ARHGAP15: variants seen among roughly 807,000 people sequenced by gnomAD.
ARHGAP15 encodes the protein rho GTPase-activating protein 15.
A neutral mutation model predicts 63.7 loss-of-function variants in ARHGAP15; 51 were observed. That is an observed-to-expected ratio of 0.80 (90% CI 0.64 to 1.01). The LOEUF is 1.01. Among genes scored for constraint, ARHGAP15 ranks in the 50% least tolerant of loss-of-function variants. ARHGAP15 has a pLI of 0.00. For missense variants in ARHGAP15, 560 were observed against 564.6 expected, an observed-to-expected ratio of 0.99 and a Z score of 0.08; for synonymous variants, 191 against 193.8, an observed-to-expected ratio of 0.99 and a Z score of 0.12.
At chr2:143,317,566 TATCTAGAG>T (rs1188457658) in intron 6 of ARHGAP15, among the ~76,000 whole-genome samples, 1 of 152,196 alleles carries the variant, frequency 6.6e-6, no homozygotes, top group African/African-American at 2.4e-5. Context: ...AGGGCTGAAA[TATCTAGAG>T]TATTATGCGT....
chr2:143,346,244 A>ACTCTCTCT (rs754388159), intron 6 of ARHGAP15, among the ~76,000 whole-genome samples: 15 of 144,032 alleles, frequency 1.0e-4, no homozygotes, highest in East Asian at 8.0e-4. Flanking sequence ...TCTCACACAC[A>ACTCTCTCT]CACACTCACA....
At chr2:143,549,367 G>A (rs1695463706) in intron 10 of ARHGAP15, among the ~76,000 whole-genome samples, 1 of 152,152 alleles carries the variant, frequency 6.6e-6, no homozygotes, top group African/African-American at 2.4e-5. Flanking sequence ...ATCAGCAGAT[G>A]AGAAATAGAA....
intron 6 of ARHGAP15, among the ~76,000 whole-genome samples, chr2:143,330,083 A>C (rs540351331): frequency 8.4e-6 from 1 of 119,022 alleles, no homozygotes; most frequent in Non-Finnish European, 1.7e-5. Flanking sequence ...TGACAGAGCA[A>C]GGCTCTGTCT....
intron 2 of ARHGAP15, among the ~76,000 whole-genome samples, chr2:143,190,555 A>G (rs1055884140): frequency 6.6e-5 from 10 of 152,160 alleles, no homozygotes; most frequent in Admixed American, 1.3e-4. Context: ...CTGCAATGCC[A>G]AGTGACCTTG....
chr2:143,228,622 G>T lies in ARHGAP15; in HGVS notation c.338G>T (p.Arg113Ile). Residue 113 changes from arginine (R) to isoleucine (I), a missense_variant, in exon 5 of 14, where the codon AGA becomes ATA. Physicochemically the swap from Arg to Ile is moderately conservative, Grantham distance 97 (BLOSUM62 -3). Transcript: ENST00000295095. Reference protein sequence around the residue: ...STSWIVLSSRRIEFYKESKQQ... With the variant: ...STSWIVLSSRIIEFYKESKQQ... ...TCCTGGATTGTTCTTTCTAGTCGAA[G>T]AATTGAATTTTACAAAGAATCCAAG... The T allele has an allele frequency of 1.2e-6, 2 of 1,609,316 alleles. No individual in the cohort carries two copies. Among genetic ancestry groups the T allele is most frequent in the Non-Finnish European group, 1.7e-6 (2 of 1,177,916 alleles).
intron 10 of ARHGAP15, among the ~76,000 whole-genome samples, chr2:143,553,195 T>A (rs779280891): frequency 6.6e-6 from 1 of 152,230 alleles, no homozygotes; most frequent in East Asian, 1.9e-4. Context: ...AATTTATAAC[T>A]GTTAAAATTC....
chr2:143,142,277 C>A (rs1558771103), intron 1 of ARHGAP15, among the ~76,000 whole-genome samples: 2 of 152,062 alleles, frequency 1.3e-5, no homozygotes, highest in Admixed American at 6.6e-5. Flanking sequence ...TTAGAGAGAA[C>A]TGGAGTCCTC....
At chr2:143,229,782 G>C (rs1693367930) in intron 5 of ARHGAP15, among the ~76,000 whole-genome samples, 1 of 152,170 alleles carries the variant, frequency 6.6e-6, no homozygotes, top group Non-Finnish European at 1.5e-5. Context: ...AAAATCATTT[G>C]CTAGGAGATT....
At chr2:143,478,314 T>C (rs1691918177) in intron 8 of ARHGAP15, among the ~76,000 whole-genome samples, 1 of 152,212 alleles carries the variant, frequency 6.6e-6, no homozygotes, top group African/African-American at 2.4e-5. Context: ...ATGACTCTTT[T>C]TCTCTCTCAG....
At chr2:143,271,269 A>G (rs1453170901) in intron 6 of ARHGAP15, among the ~76,000 whole-genome samples, 1 of 152,150 alleles carries the variant, frequency 6.6e-6, no homozygotes, top group Non-Finnish European at 1.5e-5. Context: ...CAAATCTTCC[A>G]TTTCTGGCAG....
chr2:143,197,030 C>G (rs1691909481), intron 2 of ARHGAP15, among the ~76,000 whole-genome samples: 1 of 151,920 alleles, frequency 6.6e-6, no homozygotes, highest in South Asian at 2.1e-4. Flanking sequence ...TTGGAACCCT[C>G]CTTTGTCAGC....
At chr2:143,392,343 A>G (rs1418927067) in intron 6 of ARHGAP15, among the ~76,000 whole-genome samples, 1 of 152,216 alleles carries the variant, frequency 6.6e-6, no homozygotes, top group Non-Finnish European at 1.5e-5. Context: ...TTGTCATTTG[A>G]TCCACATCAT....
chr2:143,422,500 C>T (rs1468306829), intron 6 of ARHGAP15, among the ~76,000 whole-genome samples: 5 of 152,050 alleles, frequency 3.3e-5, no homozygotes, highest in African/African-American at 1.2e-4. Context: ...GGACAGAATA[C>T]AGAACCCAAA....
At chr2:143,737,745 TA>T in intron 13 of ARHGAP15, among the ~76,000 whole-genome samples, 1 of 151,186 alleles carries the variant, frequency 6.6e-6, no homozygotes, top group East Asian at 1.9e-4. Flanking sequence ...TTTATTTATT[TA>T]TTTATTTATT....
intron 2 of ARHGAP15, among the ~76,000 whole-genome samples, chr2:143,174,805 C>T (rs1209664506): frequency 6.6e-6 from 1 of 152,054 alleles, no homozygotes; most frequent in Admixed American, 6.6e-5. Flanking sequence ...ATTCACATTT[C>T]CTCCTGGAAA....
chr2:143,401,372 C>T (rs1043988722), intron 6 of ARHGAP15, among the ~76,000 whole-genome samples: 1 of 151,892 alleles, frequency 6.6e-6, no homozygotes, highest in African/African-American at 2.4e-5. Flanking sequence ...CTCAAGATGT[C>T]CCCATAAAAT....
intron 10 of ARHGAP15, among the ~76,000 whole-genome samples, chr2:143,532,963 T>C (rs556164231): frequency 6.6e-6 from 1 of 152,348 alleles, no homozygotes; most frequent in Non-Finnish European, 1.5e-5. Flanking sequence ...ACAGTGCTCC[T>C]GCTTAACTAG....
intron 12 of ARHGAP15, among the ~76,000 whole-genome samples, chr2:143,646,431 C>G (rs377008752): frequency 6.6e-6 from 1 of 152,012 alleles, no homozygotes; most frequent in Non-Finnish European, 1.5e-5. Context: ...GACTGTCTGA[C>G]GCCTTTATAA....
intron 5 of ARHGAP15, among the ~76,000 whole-genome samples, chr2:143,242,584 A>G (rs1236801695): frequency 6.6e-6 from 1 of 152,220 alleles, no homozygotes; most frequent in East Asian, 1.9e-4. Context: ...TAGTGCCCAC[A>G]ATCACTAACA....
Sources: gnomAD v4.1 joint callset for allele counts (sites outside exome capture counted in the v4.1 genomes callset) on GRCh38, gnomAD v4.1.1 for gene constraint, MANE v1.5 for transcripts, NCBI Gene and HGNC (gene_info 2026-07-23, HGNC 2026-07-21) for gene names.